PHGDH: variants seen among roughly 807,000 people sequenced by gnomAD.
PHGDH encodes the protein phosphoglycerate dehydrogenase.
PHGDH carries 50 observed loss-of-function variants against 52.6 expected under a neutral mutation model. That is an observed-to-expected ratio of 0.95 (90% confidence interval 0.76 to 1.20). The LOEUF is 1.20. Ranked by LOEUF, PHGDH falls within the 50% of genes most tolerant of loss-of-function variation. The pLI, the probability that PHGDH is intolerant of heterozygous loss-of-function variation, is 0.00. For missense variants in PHGDH, 630 were observed against 684.6 expected (o/e 0.92, Z 0.89); for synonymous variants, 271 against 280.5 (o/e 0.97, Z 0.34).
Position 119,743,919 on chromosome 1 carries a change from C to A in PHGDH, c.1481C>A (p.Ser494Tyr). The stretch of plus-strand genomic sequence containing the variant: ...GCAGAGGCAGGCGTGCGGCTGCTGT[C>A]CTACCAGACTTCACTGGTGTCAGAT... The part of the protein sequence containing the change: ...LLAEAGVRLL[S>Y]YQTSLVSDGE... The change falls in exon 12 of 12, where the codon TCC (serine) becomes TAC (tyrosine). Residue 494 changes from serine (S) to tyrosine (Y), a missense_variant. Coordinates refer to ENST00000641023, the MANE Select transcript of PHGDH (RefSeq NM_006623.4). The A allele has an allele frequency of 6.2e-7, 1 of 1,613,842 alleles. No homozygotes were observed. The highest frequency in any genetic ancestry group is 8.5e-7 in the Non-Finnish European group (1 of 1,179,720).
chr1:119,723,612 A>G (rs751032053), intron 3 of PHGDH, among the ~76,000 whole-genome samples, 171 bp downstream of exon 3: 1 of 152,098 alleles, frequency 6.6e-6, no homozygotes, highest in Non-Finnish European at 1.5e-5. Flanking sequence ...CAGGTCCTCT[A>G]TTCAACATTC....
At chr1:119,723,309 C>A in intron 2 of PHGDH, 67 bp from the exon 3 acceptor site, 1 of 1,258,000 alleles carries the variant, frequency 7.9e-7, no homozygotes, top group Non-Finnish European at 1.2e-6. Context: ...TCAAGGCTTT[C>A]TCTTGGGGAA....
At chr1:119,737,599 G>T (rs1348237459) in intron 8 of PHGDH, among the ~76,000 whole-genome samples, 1 of 152,166 alleles carries the variant, frequency 6.6e-6, no homozygotes, top group Admixed American at 6.5e-5. Flanking sequence ...TGCTGCTTGG[G>T]TGCCAGCTGG....
At chr1:119,743,648 G>T (rs1652312833) in intron 11 of PHGDH, among the ~76,000 whole-genome samples, 1 of 152,196 alleles carries the variant, frequency 6.6e-6, no homozygotes, top group Non-Finnish European at 1.5e-5. Flanking sequence ...GATAAAACTG[G>T]CAATCAGAAA....
At chr1:119,735,153 T>C in intron 6 of PHGDH, 142 bp from the exon 7 acceptor site, 2 of 1,066,034 alleles carry the variant, frequency 1.9e-6, no homozygotes, top group Non-Finnish European at 2.9e-6. Context: ...GAGGAAGAGA[T>C]GAGAGCAAAG....
rs1651242825 is a variant in PHGDH, at chr1:119,723,029, G to A, written c.291-347G>A. Among the ~76,000 whole-genome samples, 3 of 152,184 alleles carry A rather than the reference G, an allele frequency of 2.0e-5. No homozygotes were observed. The South Asian group carries it at 6.2e-4, about 32-fold the overall frequency. On this transcript the variant is annotated intron_variant, in intron 2 of 11. Transcript: ENST00000641023. ...GAGCAGCAGGGAATTTGTGCTTTCTGGAGGCAGGTAGATCCTGAAATAGGA... is the reference window on the plus strand; with the variant it reads ...GAGCAGCAGGGAATTTGTGCTTTCTAGAGGCAGGTAGATCCTGAAATAGGA...
In PHGDH at chr1:119,742,540, CTTTCCTCCCTGT is replaced by C. The variant is rs1398705787; in HGVS notation, c.1210-258_1210-247del. 6 of 584,038 alleles carry C rather than the reference CTTTCCTCCCTGT, an allele frequency of 1.0e-5. No individual in the cohort carries two copies. In the East Asian group the frequency reaches 1.4e-4, roughly 14 times the overall value. 36.2% of individuals were successfully genotyped at this position (584,038 alleles called of 1,614,324 possible). ...CTCACAGCCCTGCCTCCCTGCTTTT[CTTTCCTCCCTGT>C]TTTCCTCCAAGCCTTCGCCTGTGCC... On this transcript the variant is annotated intron_variant, in intron 10 of 11. Transcript: ENST00000641023.
chr1:119,737,127 A>G lies in PHGDH; in HGVS notation c.806A>G (p.Asp269Gly). 6.2e-7 allele frequency: 1 copy of G among 1,614,132 alleles called. No homozygotes were observed. Among genetic ancestry groups the G allele is most frequent in the Non-Finnish European group, 8.5e-7 (1 of 1,180,010 alleles). Residue 269 changes from aspartate to glycine, a missense_variant, in exon 8 of 12, where the codon GAC (aspartate) becomes GGC (glycine). Transcript: ENST00000641023. ...CTTTCTGGGCAGGAGCCGCCACGGG[A>G]CCGGGCCTTGGTGGACCATGAGAAT... is the stretch of plus-strand genomic sequence containing the variant. ...LDVFTEEPPR[D>G]RALVDHENVI...
At chr1:119,726,959 A>G (rs1651452971) in intron 4 of PHGDH, 45 bp from the exon 5 acceptor site, 3 of 1,606,456 alleles carry the variant, frequency 1.9e-6, no homozygotes, top group Non-Finnish European at 2.6e-6. Context: ...GGGTCCACTC[A>G]TGTTGCTGAC....
intron 1 of PHGDH, among the ~76,000 whole-genome samples, chr1:119,714,770 G>T (rs1316516419): frequency 6.6e-6 from 1 of 152,164 alleles, no homozygotes; most frequent in Non-Finnish European, 1.5e-5. Flanking sequence ...GGGGGATGGG[G>T]TGGAGGGCTG....
intron 7 of PHGDH, 111 bp downstream of exon 7, chr1:119,735,554 T>C: frequency 8.8e-7 from 1 of 1,132,892 alleles, no homozygotes; most frequent in Middle Eastern, 2.8e-4. Flanking sequence ...TATTGTCTCT[T>C]TCATCCATGG....
At chr1:119,714,738 C>G (rs1023861384) in intron 1 of PHGDH, among the ~76,000 whole-genome samples, 2 of 152,136 alleles carry the variant, frequency 1.3e-5, no homozygotes, top group African/African-American at 2.4e-5. Context: ...GCATCTTGCA[C>G]AAGCCTGTAG....
intron 9 of PHGDH, 31 bp from the exon 10 acceptor site, chr1:119,741,736 T>C: frequency 6.2e-7 from 1 of 1,609,072 alleles, no homozygotes. Context: ...CAACAAACAG[T>C]GACCTCATGG....
intron 8 of PHGDH, chr1:119,739,872 C>T (rs982163979): frequency 9.0e-5 from 15 of 167,038 alleles, no homozygotes; most frequent in East Asian, 6.4e-4. Context: ...ACTTCGCATG[C>T]GTTGATATTT....
intron 5 of PHGDH, among the ~76,000 whole-genome samples, chr1:119,732,240 G>A (rs1458258950): frequency 1.3e-5 from 2 of 152,182 alleles, no homozygotes; most frequent in South Asian, 2.1e-4. Context: ...AGCCTCTCAG[G>A]GCTGTCTTCT....
In PHGDH at chr1:119,713,687, G is replaced by C. The variant is rs587654926; in HGVS notation, c.138+1527G>C. On this transcript the variant is annotated intron_variant, in intron 1 of 11. Transcript: ENST00000641023. ...CCTCACATCTGTCACCTCCTTTCTT[G>C]TGTGAAATTGTATCAGTGGCTCTGG... Among the ~76,000 whole-genome samples the C allele has an allele frequency of 9.2e-5, 14 of 152,312 alleles. No individual in the cohort carries two copies. The South Asian group carries it at 1.7e-3, about 18-fold the overall frequency.
At chr1:119,737,038 T>C (rs587676197) in intron 7 of PHGDH, 76 bp from the exon 8 acceptor site, 2 of 1,478,194 alleles carry the variant, frequency 1.4e-6, no homozygotes, top group Non-Finnish European at 1.9e-6. Flanking sequence ...CCTCCAACTT[T>C]CCTGTTGCCT....
chr1:119,740,935 T>C (rs1652175262), intron 9 of PHGDH, among the ~76,000 whole-genome samples: 1 of 152,088 alleles, frequency 6.6e-6, no homozygotes, highest in Non-Finnish European at 1.5e-5. Context: ...TCTTCACTTG[T>C]AAAGTGAGAG....
At chr1:119,714,321 C>G (rs1050041943) in intron 1 of PHGDH, 2 of 152,188 alleles carry the variant, frequency 1.3e-5, no homozygotes, top group African/African-American at 4.8e-5. Flanking sequence ...GGCAGGCGGT[C>G]TCCTCTCACT....
Sources: allele counts gnomAD v4.1 joint callset (sites outside exome capture counted in the v4.1 genomes callset), GRCh38; gene constraint gnomAD v4.1.1; transcripts MANE v1.5; gene names NCBI Gene and HGNC (gene_info 2026-07-23, HGNC 2026-07-21).